Variants in LAMB4 observed in about 807,000 individuals in gnomAD.
The protein encoded by LAMB4 is laminin subunit beta 4.
Under a neutral mutation model 199.2 loss-of-function variants are expected in LAMB4, and 196 were observed. That is an observed-to-expected ratio of 0.98 (90% CI 0.88 to 1.11). The LOEUF (loss-of-function observed/expected upper bound fraction) is 1.11. Ranked by LOEUF, LAMB4 falls within the 50% of genes least tolerant of loss-of-function variation. The pLI, the probability that LAMB4 is intolerant of heterozygous loss-of-function variation, is 0.00. For synonymous variants in LAMB4, 744 were observed against 770.6 expected, an observed-to-expected ratio of 0.97 and a Z score of 0.57; for missense variants, 2,080 against 2,171.2, an observed-to-expected ratio of 0.96 and a Z score of 0.83.
rs2036473800 is a variant in LAMB4 at position 108,069,890 on chromosome 7, T to C, written c.2125-5A>G. 4 of 1,604,766 alleles carry C rather than the reference T, an allele frequency of 2.5e-6. No individual in the cohort carries two copies. The highest frequency in any genetic ancestry group is 1.3e-5 in the African/African-American group (1 of 74,820). On this transcript the variant is annotated splice_polypyrimidine_tract_variant and splice_region_variant and intron_variant, in intron 17 of 33. Transcript: ENST00000388781. ...GATTTGGGGAATAAGGCCAAGCTTTTGAAAGAATGCAAAAAGACTTAACAT... is the reference window on the plus strand; with the variant it reads ...GATTTGGGGAATAAGGCCAAGCTTTCGAAAGAATGCAAAAAGACTTAACAT...
chr7:108,090,922 A>G (rs1334501646), intron 14 of LAMB4, among the ~76,000 whole-genome samples: 1 of 152,076 alleles, frequency 6.6e-6, no homozygotes, highest in Non-Finnish European at 1.5e-5. Context: ...CAAGCCTCCT[A>G]AGGGGCATTT....
At chr7:108,048,213 G>A (rs2035706338) in intron 27 of LAMB4, 102 bp from the exon 28 acceptor site, 4 of 951,668 alleles carry the variant, frequency 4.2e-6, no homozygotes, top group South Asian at 3.3e-5. Flanking sequence ...TGCCCAGGCT[G>A]GAGAGCAATA....
In LAMB4 at chr7:108,024,714, G is replaced by GATCCATCCATCCATCCATCCATCC. The variant is rs772231270; in HGVS notation, c.5147-560_5147-537dup. 1.1e-3 allele frequency among the ~76,000 whole-genome samples: 159 copies of GATCCATCCATCCATCCATCCATCC among 151,208 alleles called. 1 individual carries two copies. The highest frequency in any genetic ancestry group is 3.7e-3 in the African/African-American group (151 of 40,950). On this transcript the variant is annotated intron_variant, in intron 33 of 33. Transcript: ENST00000388781. ...CCATTGACCCATCCATCGATCCATT[G>GATCCATCCATCCATCCATCCATCC]ATCCATCCATCCATCCATCCATCCA...
intron 2 of LAMB4, among the ~76,000 whole-genome samples, chr7:108,116,877 A>G (rs1584785621): frequency 6.6e-6 from 1 of 152,188 alleles, no homozygotes; most frequent in East Asian, 1.9e-4. Flanking sequence ...CCACAAAAAA[A>G]TGAAAAGAAA....
At chr7:108,112,119 T>C (rs1417829388) in intron 3 of LAMB4, among the ~76,000 whole-genome samples, 173 bp from the exon 4 acceptor site, 1 of 152,156 alleles carries the variant, frequency 6.6e-6, no homozygotes, top group Non-Finnish European at 1.5e-5. Context: ...AGTACAACAA[T>C]AAACTATGAA....
chr7:108,045,496 T>C (rs1357466367), intron 28 of LAMB4, among the ~76,000 whole-genome samples: 1 of 152,268 alleles, frequency 6.6e-6, no homozygotes, highest in Admixed American at 6.5e-5. Context: ...TCCATTTATG[T>C]GCTGATTAAA....
Position 108,103,096 on chromosome 7 carries a change from G to C in LAMB4, c.1128C>G (p.Pro376=). The change falls in exon 10 of 34, where the codon CCC becomes CCG. Residue 376 remains proline, a synonymous_variant. Coordinates refer to ENST00000388781, the MANE Select transcript of LAMB4 (RefSeq NM_007356.3). ...TCTTGAGCGGGTCCCTGTAGAAGAG[G>C]GGTCTGCAGCGGTCGCAGTGCTGCC... ...TEGQHCDRCR[P]LFYRDPLKTI... is the part of the protein sequence containing the mutation. The C allele has an allele frequency of 6.2e-7, 1 of 1,612,958 alleles. No homozygotes were observed. The highest frequency in any genetic ancestry group is 8.5e-7 in the Non-Finnish European group (1 of 1,179,142).
intron 4 of LAMB4, among the ~76,000 whole-genome samples, chr7:108,110,093 G>A (rs902170447): frequency 6.6e-6 from 1 of 152,152 alleles, no homozygotes; most frequent in African/African-American, 2.4e-5. Flanking sequence ...GCAGTGGCAG[G>A]ATCTTGGCTC....
intron 14 of LAMB4, among the ~76,000 whole-genome samples, chr7:108,083,498 T>C (rs1270451689): frequency 2.0e-5 from 3 of 152,152 alleles, no homozygotes; most frequent in Non-Finnish European, 2.9e-5. Flanking sequence ...TAGATCCACT[T>C]TCCAGCAAAA....
intron 33 of LAMB4, among the ~76,000 whole-genome samples, chr7:108,027,540 T>A (rs2034879925): frequency 6.6e-6 from 1 of 152,216 alleles, no homozygotes; most frequent in South Asian, 2.1e-4. Context: ...ACTCATTTGA[T>A]AATAAAAAAG....
At chr7:108,112,718 T>C (rs1408613487) in intron 3 of LAMB4, among the ~76,000 whole-genome samples, 1 of 152,256 alleles carries the variant, frequency 6.6e-6, no homozygotes, top group Non-Finnish European at 1.5e-5. Flanking sequence ...TCCAAAGCAC[T>C]GTCAGTGGCC....
intron 33 of LAMB4, among the ~76,000 whole-genome samples, chr7:108,025,388 C>CTTTCTTTCTTTCTTTCTTTCTTTCT (rs1563024549): frequency 1.0e-5 from 1 of 96,928 alleles, no homozygotes; most frequent in African/African-American, 1.3e-4. Context: ...CTTTTCTTTT[C>CTTTCTTTCTTTCTTTCTTTCTTTCT]TTTTCTTTCT....
At chr7:108,057,786 G>T in intron 24 of LAMB4, 46 bp downstream of exon 24, 1 of 1,252,918 alleles carries the variant, frequency 8.0e-7, no homozygotes, top group Non-Finnish European at 1.2e-6. Context: ...CCATGGTAGG[G>T]CCAGGCTGAC....
Position 108,077,020 on chromosome 7 carries a change from T to C in LAMB4, c.2048A>G (p.Gln683Arg). 1 of 1,613,946 alleles carries C rather than the reference T, an allele frequency of 6.2e-7. No homozygotes were observed. Among genetic ancestry groups the C allele is most frequent in the South Asian group, 1.1e-5 (1 of 91,082 alleles). The change falls in exon 17 of 34, where the codon CAA becomes CGA. Residue 683 changes from glutamine (Q) to arginine (R), a missense_variant. Coordinates refer to ENST00000388781, the MANE Select transcript of LAMB4 (RefSeq NM_007356.3). ...AGAAAAATAGACATCTATGGAATAT[T>C]GTACATCTGGTTCTAAACAGATGGG... Reference protein sequence around the residue: ...PTPICLEPDVQYSIDVYFSQP... With the variant: ...PTPICLEPDVRYSIDVYFSQP...
At chr7:108,074,198 C>A (rs1186240418) in intron 17 of LAMB4, among the ~76,000 whole-genome samples, 1 of 152,124 alleles carries the variant, frequency 6.6e-6, no homozygotes, top group Non-Finnish European at 1.5e-5. Flanking sequence ...GTCCCTGTCT[C>A]AGCTTTTGCT....
intron 23 of LAMB4, among the ~76,000 whole-genome samples, chr7:108,059,675 G>A (rs571140032): frequency 1.3e-5 from 2 of 152,230 alleles, no homozygotes; most frequent in East Asian, 3.9e-4. Flanking sequence ...GCCTGTTCAG[G>A]CGTCGCTTCT....
intron 3 of LAMB4, among the ~76,000 whole-genome samples, chr7:108,112,358 G>A (rs11766814): frequency 5.9e-5 from 9 of 151,402 alleles, no homozygotes; most frequent in South Asian, 2.1e-4. Context: ...CTGTCACTGA[G>A]GCTGGAGTGC....
intron 29 of LAMB4, 35 bp downstream of exon 29, chr7:108,043,717 A>C (rs758578442): frequency 7.0e-7 from 1 of 1,437,624 alleles, no homozygotes; most frequent in Non-Finnish European, 9.5e-7. Context: ...AGGGAAAAAA[A>C]CAAAAACTAG....
intron 31 of LAMB4, among the ~76,000 whole-genome samples, chr7:108,033,183 A>G (rs1164059816): frequency 1.3e-5 from 2 of 152,124 alleles, no homozygotes. Context: ...AATACTTTAT[A>G]CTTTGTGGCC....
Sources: allele counts gnomAD v4.1 joint callset (sites outside exome capture counted in the v4.1 genomes callset), GRCh38; gene constraint gnomAD v4.1.1; transcripts MANE v1.5; gene names NCBI Gene and HGNC (gene_info 2026-07-23, HGNC 2026-07-21).